Variants in ZBTB48 observed in about 807,000 individuals in gnomAD.
ZBTB48 encodes the protein zinc finger and BTB domain-containing protein 48.
ZBTB48 carries 35 observed loss-of-function variants against 64.5 expected under a neutral mutation model. That is an observed-to-expected ratio of 0.54 (90% CI 0.41 to 0.72). The LOEUF (loss-of-function observed/expected upper bound fraction) is 0.72, where lower values mean the gene tolerates loss of function less well. Ranked by LOEUF, ZBTB48 falls within the 30% of genes least tolerant of loss-of-function variation. The pLI is 0.00. For synonymous variants in ZBTB48, 442 were observed against 356.7 expected (o/e 1.24, Z -2.70); for missense variants, 828 against 895.3 (o/e 0.92, Z 0.96).
chr1:6,588,842 C>T lies in ZBTB48; in HGVS notation c.1768C>T (p.Gln590Ter), dbSNP rs774009695. ...CTECGYKFTR[Q>*]AHLRRHMEIH... ...CGAGTGTGGCTACAAGTTTACCCGA[C>T]AGGTAGGCCAGGGCCTGGGCCCCTT... The change falls in exon 10 of 11, where the codon CAG becomes TAG. Residue 590 changes from glutamine to a stop codon, truncating the protein, a stop_gained and splice_region_variant. Transcript: ENST00000377674. LOFTEE classifies it high-confidence loss of function. 2 of 1,614,104 alleles carry T rather than the reference C, an allele frequency of 1.2e-6. No homozygotes were observed. Among genetic ancestry groups the T allele is most frequent in the Admixed American group, 1.7e-5 (1 of 60,032 alleles).
intron 3 of ZBTB48, 113 bp from the exon 4 acceptor site, chr1:6,585,806 C>T (rs76962385): frequency 0.023 from 22,407 of 973,314 alleles, 310 homozygotes; most frequent in East Asian, 0.035. Context: ...CTTAACCAGC[C>T]GGTGTCACCT....
rs1640554123 is a variant in ZBTB48 at position 6,583,662 on chromosome 1, A to T, written c.932+1363A>T. Among the ~76,000 whole-genome samples the T allele has an allele frequency of 4.1e-5, 6 of 144,728 alleles. No individual in the cohort carries two copies. The South Asian group carries it at 1.3e-3, about 31-fold the overall frequency. The allele number at this position is 144,728 out of a possible 152,430, so 94.9% of individuals were successfully genotyped here. A position where few individuals can be genotyped will look rare whatever the true frequency, so the allele number is the denominator to read the frequency against. The stretch of plus-strand genomic sequence containing the variant: ...GTCGCCCAGGTTGGAGTGCAGTGGC[A>T]TGATCTTGGCTCACTGCAACTTCTG... On this transcript the variant is annotated intron_variant, in intron 3 of 10. Transcript: ENST00000377674.
chr1:6,582,008 G>C (rs779141106), intron 2 of ZBTB48, 50 bp from the exon 3 acceptor site: 3 of 1,603,372 alleles, frequency 1.9e-6, no homozygotes, highest in Non-Finnish European at 2.6e-6. Flanking sequence ...TACAACTCCT[G>C]CTGATTCATT....
Position 6,588,215 on chromosome 1 carries a change from C to A in ZBTB48, c.1516+19C>A. On this transcript the variant is annotated intron_variant, in intron 8 of 10. Coordinates refer to ENST00000377674, the MANE Select transcript of ZBTB48 (RefSeq NM_005341.4). Reference sequence around the variant, plus strand: ...ACCCAAGGTGAGGTACGCCCTGCCCCTCCCCTCGCCTCCCCATCCTGAGGC... The same window carrying A: ...ACCCAAGGTGAGGTACGCCCTGCCCATCCCCTCGCCTCCCCATCCTGAGGC... 6.2e-7 allele frequency: 1 copy of A among 1,613,470 alleles called. No homozygotes were observed. The highest frequency in any genetic ancestry group is 1.7e-5 in the Admixed American group (1 of 60,020).
Position 6,588,900 on chromosome 1 carries a change from T to G in ZBTB48, c.1771-16T>G, listed in dbSNP as rs775112916. On this transcript the variant is annotated splice_polypyrimidine_tract_variant and intron_variant, in intron 10 of 10. Coordinates refer to ENST00000377674, the MANE Select transcript of ZBTB48 (RefSeq NM_005341.4). ...CCTAGGATCCCCCAAAGTTCTGAGC[T>G]CACCCTCCCCGCCAGGCCCACCTGC... 1.2e-6 allele frequency: 2 copies of G among 1,613,668 alleles called. No individual in the cohort carries two copies. Among genetic ancestry groups the G allele is most frequent in the South Asian group, 2.2e-5 (2 of 91,084 alleles).
intron 3 of ZBTB48, 131 bp downstream of exon 3, chr1:6,582,430 T>G (rs1471687685): frequency 7.4e-6 from 9 of 1,224,200 alleles, no homozygotes; most frequent in Non-Finnish European, 1.0e-5. Context: ...GTGTCTGGCC[T>G]TGGTACACCT....
In ZBTB48 at chr1:6,588,456, C is replaced by T. The variant is rs903442655; in HGVS notation, c.1681+14C>T. 1.3e-6 allele frequency: 2 copies of T among 1,496,340 alleles called. No individual in the cohort carries two copies. The highest frequency in any genetic ancestry group is 2.8e-5 in the African/African-American group (2 of 71,128). The allele number at this position is 1,496,340 out of a possible 1,614,324, so 92.7% of individuals were successfully genotyped here. On this transcript the variant is annotated intron_variant, in intron 9 of 10. Transcript: ENST00000377674. ...AGACCTTCAAAGGTACCTGGGCGGC[C>T]CTGGGAGAGCCATTTCCTGCTCATC... is the stretch of plus-strand genomic sequence containing the variant.
At position 6,581,089 on chromosome 1, in the gene ZBTB48, C is replaced by T. The variant is rs1342299934; in HGVS notation, c.480C>T (p.Val160=). 3.7e-6 allele frequency: 6 copies of T among 1,612,926 alleles called. No homozygotes were observed. The East Asian group carries it at 1.1e-4, about 30-fold the overall frequency. ...EEEVSRTLGL[V]PRDQEPRGSH... ...AAGTTTCGAGGACTCTGGGTCTAGTCCCCAGGGATCAGGAGCCCAGAGGCA... is the reference window on the plus strand; with the variant it reads ...AAGTTTCGAGGACTCTGGGTCTAGTTCCCAGGGATCAGGAGCCCAGAGGCA... Residue 160 remains valine, a synonymous_variant, in exon 2 of 11, where the codon GTC becomes GTT. Coordinates refer to ENST00000377674, the MANE Select transcript of ZBTB48 (RefSeq NM_005341.4).
chr1:6,589,166 C>A lies in ZBTB48; in HGVS notation c.2021C>A (p.Pro674His). 6.4e-7 allele frequency: 1 copy of A among 1,552,164 alleles called. No homozygotes were observed. Among genetic ancestry groups the A allele is most frequent in the Non-Finnish European group, 8.7e-7 (1 of 1,153,572 alleles). ...TTCACCGGCCCAGGTGTCCTGGAGC[C>A]CTCCCTCATCATCACAGCTGCTGTC... ...ESFTGPGVLE[P>H]SLIITAAVPE... is the part of the protein sequence containing the mutation. The change falls in exon 11 of 11, where the codon CCC becomes CAC. Residue 674 changes from proline (P) to histidine (H), a missense_variant. Transcript: ENST00000377674.
chr1:6,580,604 C>T lies in ZBTB48; in HGVS notation c.-6C>T, dbSNP rs980462527. On this transcript the variant is annotated 5_prime_UTR_variant, in exon 2 of 11. Coordinates refer to ENST00000377674, the MANE Select transcript of ZBTB48 (RefSeq NM_005341.4). The surrounding 1 kb of genome is among the most constrained non-coding windows in gnomAD (Gnocchi z 5.2). ...GTGTCACTTCTGCCTCCCTGCCCTCCAGACCATGGACGGCTCCTTCGTCCA... is the reference window on the plus strand; with the variant it reads ...GTGTCACTTCTGCCTCCCTGCCCTCTAGACCATGGACGGCTCCTTCGTCCA... The T allele has an allele frequency of 2.8e-5, 45 of 1,604,950 alleles. No homozygotes were observed. In the East Asian group the frequency reaches 6.9e-4, roughly 25 times the overall value.
chr1:6,582,168 T>A lies in ZBTB48; in HGVS notation c.801T>A (p.Ala267=), dbSNP rs1251892649. ...ATGTAATCCGAAAGCCCTGTGCAGC[T>A]GAGCCAGCCCTGAGCGCGGGCTCCC... The part of the protein sequence containing the change: ...KSNVIRKPCA[A]EPALSAGSLA... Residue 267 remains alanine, a synonymous_variant, in exon 3 of 11, where the codon GCT becomes GCA. Coordinates refer to ENST00000377674, the MANE Select transcript of ZBTB48 (RefSeq NM_005341.4). The A allele has an allele frequency of 6.2e-7, 1 of 1,614,230 alleles. No individual in the cohort carries two copies. The highest frequency in any genetic ancestry group is 8.5e-7 in the Non-Finnish European group (1 of 1,180,044).
intron 3 of ZBTB48, among the ~76,000 whole-genome samples, chr1:6,582,748 T>C (rs1033584419): frequency 2.0e-5 from 3 of 152,222 alleles, no homozygotes; most frequent in Non-Finnish European, 4.4e-5. Context: ...GTGTTCACTC[T>C]GGGGTGTCAG....
rs1489968178 is a variant in ZBTB48 at position 6,588,820 on chromosome 1, G to A, written c.1746G>A (p.Glu582=). ...HKGVRKFECT[E]CGYKFTRQAH... ...GGGTGAGGAAGTTTGAGTGCACCGAGTGTGGCTACAAGTTTACCCGACAGG... is the reference window on the plus strand; with the variant it reads ...GGGTGAGGAAGTTTGAGTGCACCGAATGTGGCTACAAGTTTACCCGACAGG... Residue 582 remains glutamate, a synonymous_variant, in exon 10 of 11, where the codon GAG becomes GAA. Coordinates refer to ENST00000377674, the MANE Select transcript of ZBTB48 (RefSeq NM_005341.4). 1.2e-6 allele frequency: 2 copies of A among 1,614,032 alleles called. No homozygotes were observed. The highest frequency in any genetic ancestry group is 1.7e-6 in the Non-Finnish European group (2 of 1,180,046).
rs569112745 is a variant in ZBTB48 at position 6,587,646 on chromosome 1, G to T, written c.1379+14G>T. The T allele has an allele frequency of 6.2e-7, 1 of 1,611,456 alleles. No individual in the cohort carries two copies. The highest frequency in any genetic ancestry group is 1.7e-5 in the Admixed American group (1 of 60,004). On this transcript the variant is annotated intron_variant, in intron 7 of 10. Coordinates refer to ENST00000377674, the MANE Select transcript of ZBTB48 (RefSeq NM_005341.4). The stretch of plus-strand genomic sequence containing the variant: ...GGCCAAGCACAGGTGCGTGTCGCCC[G>T]TTCTCTCTTGGGGCCCAGTCCTGCT...
Position 6,580,605 on chromosome 1 carries a change from A to G in ZBTB48, c.-5A>G. On this transcript the variant is annotated 5_prime_UTR_variant, in exon 2 of 11. Transcript: ENST00000377674. This position sits in a 1 kb window ranked among gnomAD's most constrained non-coding sequence, Gnocchi z 5.2. ...TGTCACTTCTGCCTCCCTGCCCTCCAGACCATGGACGGCTCCTTCGTCCAG... is the reference window on the plus strand; with the variant it reads ...TGTCACTTCTGCCTCCCTGCCCTCCGGACCATGGACGGCTCCTTCGTCCAG... 1.2e-6 allele frequency: 2 copies of G among 1,605,324 alleles called. No homozygotes were observed. The highest frequency in any genetic ancestry group is 4.5e-5 in the East Asian group (2 of 44,640).
chr1:6,580,260 C>T lies in ZBTB48; in HGVS notation c.-70+124C>T, dbSNP rs116291100. ...TCACCTGTCCCCGGCTGCCGCCCTC[C>T]GCCGTCCGGGATCCTCTCACTGTGC... On this transcript the variant is annotated intron_variant, in intron 1 of 10. Transcript: ENST00000377674. This position sits in a 1 kb window ranked among gnomAD's most constrained non-coding sequence, Gnocchi z 5.2. 1,212 of 235,310 alleles carry T rather than the reference C, an allele frequency of 5.2e-3. 16 individuals are homozygous for T. Among genetic ancestry groups the T allele is most frequent in the African/African-American group, 0.026 (1,139 of 44,056 alleles). The allele number at this position is 235,310 out of a possible 1,614,324, so 14.6% of individuals were successfully genotyped here. A position where few individuals can be genotyped will look rare whatever the true frequency, so the allele number is the denominator to read the frequency against.
intron 3 of ZBTB48, among the ~76,000 whole-genome samples, chr1:6,585,051 C>G (rs80254133): frequency 1.3e-3 from 201 of 151,936 alleles, no homozygotes; most frequent in African/African-American, 4.7e-3. Context: ...GAAGTGCTGC[C>G]GAAGAAGAAA....
Position 6,588,826 on chromosome 1 carries a change from C to T in ZBTB48, c.1752C>T (p.Gly584=). ...GGAAGTTTGAGTGCACCGAGTGTGG[C>T]TACAAGTTTACCCGACAGGTAGGCC... The part of the protein sequence containing the change: ...GVRKFECTEC[G]YKFTRQAHLR... Residue 584 remains glycine (G), a synonymous_variant, in exon 10 of 11, where the codon GGC becomes GGT. Transcript: ENST00000377674. The T allele has an allele frequency of 6.2e-7, 1 of 1,614,148 alleles. No individual in the cohort carries two copies. Among genetic ancestry groups the T allele is most frequent in the Non-Finnish European group, 8.5e-7 (1 of 1,180,026 alleles).
chr1:6,583,781 T>C (rs1304423080), intron 3 of ZBTB48, among the ~76,000 whole-genome samples: 1 of 145,822 alleles, frequency 6.9e-6, no homozygotes, highest in Admixed American at 6.8e-5. Flanking sequence ...TTTTACTTTT[T>C]TTTTTTTTTT....
Sources: gnomAD v4.1 joint callset for allele counts (sites outside exome capture counted in the v4.1 genomes callset) on GRCh38, gnomAD v4.1.1 for gene constraint, Gnocchi (gnomAD v3.1) non-coding constraint, MANE v1.5 for transcripts, NCBI Gene and HGNC (gene_info 2026-07-23, HGNC 2026-07-21) for gene names.